FBXL17: variants seen among roughly 807,000 people sequenced by gnomAD.
FBXL17 encodes F-box and leucine rich repeat protein 17, also known as F-box/LRR-repeat protein 17.
Under a neutral mutation model 66.2 loss-of-function variants are expected in FBXL17, and 22 were observed. That is an observed-to-expected ratio of 0.33 (90% CI 0.24 to 0.47). The LOEUF is 0.47. Among genes scored for constraint, FBXL17 ranks in the 20% least tolerant of loss-of-function variants. FBXL17 has a pLI of 1.00. For missense variants in FBXL17, 878 were observed against 948.2 expected, an observed-to-expected ratio of 0.93 and a Z score of 0.97; for synonymous variants, 474 against 400.5, an observed-to-expected ratio of 1.18 and a Z score of -2.19.
In FBXL17 at chr5:108,259,132, A is replaced by C. The variant is rs774054147; in HGVS notation, c.1507-34904T>G. 3.7e-4 allele frequency among the ~76,000 whole-genome samples: 56 copies of C among 152,200 alleles called. 1 individual carries two copies. The highest frequency in any genetic ancestry group is 1.8e-4 in the Non-Finnish European group (12 of 68,032). ...CAAAGCACAATTAGAATTGAAGAAA[A>C]GACAGCACAAACAATACTGTTTTTC... On this transcript the variant is annotated intron_variant, in intron 4 of 8. Transcript: ENST00000542267.
chr5:108,298,150 G>T lies in FBXL17; in HGVS notation c.1506+50249C>A, dbSNP rs1172161893. The T allele has an allele frequency of 3.1e-6, 3 of 971,430 alleles. No homozygotes were observed. The African/African-American group carries it at 5.3e-5, about 17-fold the overall frequency. The allele number at this position is 971,430 out of a possible 1,614,324, so 60.2% of individuals were successfully genotyped here. On this transcript the variant is annotated intron_variant, in intron 4 of 8. Coordinates refer to ENST00000542267, the MANE Select transcript of FBXL17 (RefSeq NM_001163315.3). ...ACTAATTTGTTTTTCTTTTTAGGGA[G>T]CAAGAAACATAAAGTACCCTAGAAA... is the stretch of plus-strand genomic sequence containing the variant.
At chr5:108,290,572 G>A (rs1758068995) in intron 4 of FBXL17, among the ~76,000 whole-genome samples, 1 of 152,028 alleles carries the variant, frequency 6.6e-6, no homozygotes, top group Non-Finnish European at 1.5e-5. Flanking sequence ...TTTTGATTGG[G>A]ACTGTATTGA....
chr5:108,323,818 G>A (rs535192573), intron 4 of FBXL17, among the ~76,000 whole-genome samples: 25 of 152,024 alleles, frequency 1.6e-4, no homozygotes, highest in African/African-American at 5.1e-4. Flanking sequence ...CAAGGGTGCC[G>A]GCACTATTCA....
intron 4 of FBXL17, among the ~76,000 whole-genome samples, chr5:108,296,417 CCTTA>C (rs1266194403): frequency 5.9e-5 from 9 of 151,652 alleles, no homozygotes; most frequent in African/African-American, 1.7e-4. Context: ...TTTCTTTCGG[CCTTA>C]TTTATAACTA....
At chr5:108,259,906 G>A (rs1270591079) in intron 4 of FBXL17, among the ~76,000 whole-genome samples, 1 of 151,760 alleles carries the variant, frequency 6.6e-6, no homozygotes, top group Non-Finnish European at 1.5e-5. Flanking sequence ...TTATCTATAA[G>A]GTAATATATT....
chr5:108,272,389 T>C (rs1436191510), intron 4 of FBXL17, among the ~76,000 whole-genome samples: 1 of 151,792 alleles, frequency 6.6e-6, no homozygotes, highest in African/African-American at 2.4e-5. Context: ...GGTCTCACTC[T>C]GTTGCCCAGG....
intron 6 of FBXL17, among the ~76,000 whole-genome samples, chr5:108,058,817 A>C (rs2112839872): frequency 6.6e-6 from 1 of 152,326 alleles, no homozygotes; most frequent in South Asian, 2.1e-4. Flanking sequence ...CTTCTACAGA[A>C]GTTGCCCCTC....
At chr5:107,946,275 A>T (rs1404442806) in intron 7 of FBXL17, among the ~76,000 whole-genome samples, 19 of 50,514 alleles carry the variant, frequency 3.8e-4, no homozygotes, top group South Asian at 1.7e-3. Flanking sequence ...ATATATATAT[A>T]TATATATATA....
chr5:108,374,108 G>C (rs56855707), intron 1 of FBXL17, among the ~76,000 whole-genome samples: 155 of 152,238 alleles, frequency 1.0e-3, no homozygotes, highest in African/African-American at 3.5e-3. Flanking sequence ...TTAATGCTTG[G>C]AGACTACAAC....
chr5:108,303,395 CATA>C (rs778091235), intron 4 of FBXL17, among the ~76,000 whole-genome samples: 16 of 115,694 alleles, frequency 1.4e-4, no homozygotes, highest in South Asian at 8.1e-4. Context: ...CACACACACA[CATA>C]CCCACACACA....
intron 6 of FBXL17, among the ~76,000 whole-genome samples, chr5:108,096,555 G>A (rs1749375326): frequency 6.6e-6 from 1 of 152,178 alleles, no homozygotes; most frequent in South Asian, 2.1e-4. Flanking sequence ...ATATAGTCAA[G>A]CTTTCTTGCA....
intron 4 of FBXL17, among the ~76,000 whole-genome samples, chr5:108,324,278 A>T (rs954527127): frequency 1.3e-5 from 2 of 152,056 alleles, no homozygotes; most frequent in Non-Finnish European, 2.9e-5. Context: ...ATTAGAAGAG[A>T]CATTTATCCA....
chr5:107,930,789 G>A (rs1053357290), intron 7 of FBXL17, among the ~76,000 whole-genome samples: 13 of 152,134 alleles, frequency 8.5e-5, no homozygotes, highest in Non-Finnish European at 1.8e-4. Flanking sequence ...TATTATGCAT[G>A]CATATTTATG....
intron 4 of FBXL17, among the ~76,000 whole-genome samples, chr5:108,230,729 A>T (rs1167103582): frequency 6.3e-4 from 18 of 28,550 alleles, no homozygotes; most frequent in African/African-American, 1.4e-3. Context: ...AAATAAATTT[A>T]AAAAAAAAAA....
intron 4 of FBXL17, among the ~76,000 whole-genome samples, chr5:108,286,337 G>C (rs1306317673): frequency 6.6e-6 from 1 of 151,886 alleles, no homozygotes; most frequent in African/African-American, 2.4e-5. Context: ...AATAGAAAAA[G>C]ATGAAGTCAA....
At chr5:108,308,468 C>T (rs1052056953) in intron 4 of FBXL17, among the ~76,000 whole-genome samples, 6 of 152,062 alleles carry the variant, frequency 3.9e-5, no homozygotes, top group East Asian at 1.9e-4. Flanking sequence ...CCAGTACTAT[C>T]GTCTTACCAC....
chr5:108,348,281 G>T (rs1253301677), intron 4 of FBXL17, 118 bp downstream of exon 4: 5 of 882,588 alleles, frequency 5.7e-6, no homozygotes, highest in Non-Finnish European at 6.6e-6. Flanking sequence ...TTTTGCTTTT[G>T]ATTAAGTAGT....
At chr5:108,196,334 T>C (rs759717994) in intron 5 of FBXL17, among the ~76,000 whole-genome samples, 18 of 152,126 alleles carry the variant, frequency 1.2e-4, no homozygotes, top group Non-Finnish European at 2.4e-4. Context: ...AATTCAGCCT[T>C]CTCAGCCCCA....
intron 7 of FBXL17, among the ~76,000 whole-genome samples, chr5:107,896,956 G>A (rs1344484756): frequency 1.3e-5 from 2 of 151,910 alleles, no homozygotes; most frequent in Non-Finnish European, 2.9e-5. Flanking sequence ...ATAGACTTTA[G>A]TATAATTTAA....
Sources: allele counts gnomAD v4.1 joint callset (sites outside exome capture counted in the v4.1 genomes callset), GRCh38; gene constraint gnomAD v4.1.1; transcripts MANE v1.5; gene names NCBI Gene and HGNC (gene_info 2026-07-23, HGNC 2026-07-21).